TMEM178B: variants seen among roughly 807,000 people sequenced by gnomAD.
The protein encoded by TMEM178B is transmembrane protein 178B.
TMEM178B carries 5 observed loss-of-function variants against 31.0 expected under a neutral mutation model. That is an observed-to-expected ratio of 0.16 (90% CI 0.08 to 0.34). The LOEUF (loss-of-function observed/expected upper bound fraction) is 0.34. TMEM178B is among the 10% of genes least tolerant of loss of function. The pLI is 1.00. For synonymous variants in TMEM178B, 164 were observed against 164.0 expected, an observed-to-expected ratio of 1.00 and a Z score of 0.00; for missense variants, 275 against 400.3, an observed-to-expected ratio of 0.69 and a Z score of 2.67.
At chr7:141,293,863 A>G (rs1401919357) in intron 2 of TMEM178B, among the ~76,000 whole-genome samples, 1 of 152,238 alleles carries the variant, frequency 6.6e-6, no homozygotes, top group African/African-American at 2.4e-5. Context: ...CTATAATAAT[A>G]GAAGGCATCT....
chr7:141,091,797 G>A (rs542932697), intron 1 of TMEM178B, among the ~76,000 whole-genome samples: 2 of 152,222 alleles, frequency 1.3e-5, no homozygotes, highest in East Asian at 3.9e-4. Context: ...GCGTGATCTC[G>A]GCTCACTGAA....
chr7:141,510,460 C>T, the TMEM178B span, among the ~76,000 whole-genome samples: 13 of 151,566 alleles, frequency 8.6e-5, no homozygotes, highest in Admixed American at 2.0e-4. Context: ...GCGAGGCAGG[C>T]GGATTATCTG....
chr7:141,193,120 T>C (rs1796724204), intron 1 of TMEM178B, among the ~76,000 whole-genome samples: 1 of 152,178 alleles, frequency 6.6e-6, no homozygotes, highest in South Asian at 2.1e-4. Flanking sequence ...GCTTCTCCTA[T>C]GAGGCGGTGG....
At chr7:141,183,419 A>G (rs1796561333) in intron 1 of TMEM178B, among the ~76,000 whole-genome samples, 1 of 152,228 alleles carries the variant, frequency 6.6e-6, no homozygotes, top group South Asian at 2.1e-4. Context: ...TCATTCTGCA[A>G]ACAGCTGGGT....
intron 2 of TMEM178B, among the ~76,000 whole-genome samples, chr7:141,261,720 C>T (rs1270961089): frequency 6.6e-6 from 1 of 151,992 alleles, no homozygotes; most frequent in African/African-American, 2.4e-5. Flanking sequence ...AGCACAAGGG[C>T]CAGGGAAAGA....
intron 1 of TMEM178B, among the ~76,000 whole-genome samples, chr7:141,076,809 G>C (rs1281126342): frequency 6.6e-6 from 1 of 152,184 alleles, no homozygotes; most frequent in Non-Finnish European, 1.5e-5. Flanking sequence ...TGAACTAATG[G>C]AAATGGTGTT....
intron 1 of TMEM178B, among the ~76,000 whole-genome samples, chr7:141,210,252 G>T (rs1033839734): frequency 6.6e-6 from 1 of 152,110 alleles, no homozygotes; most frequent in Non-Finnish European, 1.5e-5. Flanking sequence ...ATCACCTGAG[G>T]TCGGGAGTTC....
intron 1 of TMEM178B, among the ~76,000 whole-genome samples, chr7:141,125,488 C>G (rs552234419): frequency 2.0e-5 from 3 of 151,978 alleles, no homozygotes; most frequent in South Asian, 2.1e-4. Context: ...TGAGACCAGC[C>G]TGGACAACAT....
At position 141,324,416 on chromosome 7, in the gene TMEM178B, G is replaced by GTTTT. The variant is rs56316531; in HGVS notation, c.496+111746_496+111749dup. 1.0e-3 allele frequency among the ~76,000 whole-genome samples: 87 copies of GTTTT among 85,772 alleles called. 21 individuals are homozygous for GTTTT. The highest frequency in any genetic ancestry group is 1.1e-3 in the Non-Finnish European group (48 of 41,990). 56.3% of individuals were successfully genotyped at this position (85,772 alleles called of 152,430 possible). ...TGTGAGAGCAAGAGAGGAGACCAGG[G>GTTTT]TTTTTTTTTTTTTTTTTTTTTTTTT... On this transcript the variant is annotated intron_variant, in intron 2 of 3. Transcript: ENST00000565468.
At chr7:141,209,568 A>G (rs1032282840) in intron 1 of TMEM178B, among the ~76,000 whole-genome samples, 3 of 152,192 alleles carry the variant, frequency 2.0e-5, no homozygotes, top group African/African-American at 7.2e-5. Flanking sequence ...AGGGGCTGGG[A>G]AGATAAAGAT....
intron 1 of TMEM178B, among the ~76,000 whole-genome samples, chr7:141,161,756 G>T (rs1000935619): frequency 3.9e-5 from 6 of 151,956 alleles, no homozygotes; most frequent in Non-Finnish European, 7.4e-5. Flanking sequence ...ATAGGTGAGA[G>T]AGTGGGTGGT....
At chr7:141,429,713 A>C (rs983372545) in intron 2 of TMEM178B, 1 of 152,240 alleles carries the variant, frequency 6.6e-6, no homozygotes, top group African/African-American at 2.4e-5. Flanking sequence ...CTCCCACAAA[A>C]GTGATAACTG....
intron 2 of TMEM178B, among the ~76,000 whole-genome samples, chr7:141,246,285 A>G (rs1367996785): frequency 6.6e-6 from 1 of 152,232 alleles, no homozygotes; most frequent in Non-Finnish European, 1.5e-5. Context: ...TTCTTGAGTA[A>G]AATGAAATTG....
At chr7:141,226,324 C>T (rs1797341263) in intron 2 of TMEM178B, among the ~76,000 whole-genome samples, 2 of 152,074 alleles carry the variant, frequency 1.3e-5, no homozygotes, top group African/African-American at 4.8e-5. Flanking sequence ...AGCTCCAGGC[C>T]GACTACCCTT....
chr7:141,180,463 C>CAAAAAAAAA (rs57969132), intron 1 of TMEM178B, among the ~76,000 whole-genome samples: 9 of 83,274 alleles, frequency 1.1e-4, no homozygotes, highest in Non-Finnish European at 1.6e-4. Context: ...GAGCCCATCT[C>CAAAAAAAAA]AAAAAAAAAA....
At chr7:141,246,821 C>T (rs138079773) in intron 2 of TMEM178B, among the ~76,000 whole-genome samples, 6 of 152,204 alleles carry the variant, frequency 3.9e-5, no homozygotes, top group Non-Finnish European at 8.8e-5. Context: ...GCTGTGCACA[C>T]CTTAGGGGCT....
At chr7:141,450,616 G>C (rs1438978597) in intron 3 of TMEM178B, among the ~76,000 whole-genome samples, 1 of 152,142 alleles carries the variant, frequency 6.6e-6, no homozygotes, top group African/African-American at 2.4e-5. Context: ...TTTATGTTTT[G>C]GGTAACACCT....
intron 1 of TMEM178B, among the ~76,000 whole-genome samples, chr7:141,209,495 AG>A (rs1227213579): frequency 1.3e-5 from 2 of 152,254 alleles, no homozygotes; most frequent in East Asian, 3.8e-4. Flanking sequence ...AGTCTTACAA[AG>A]AACACCTCGT....
chr7:141,181,724 C>A (rs1187525204), intron 1 of TMEM178B, among the ~76,000 whole-genome samples: 5 of 152,188 alleles, frequency 3.3e-5, no homozygotes, highest in Non-Finnish European at 7.3e-5. Context: ...CACATATACT[C>A]CTCTTTTATC....
Sources: gnomAD v4.1 joint callset for allele counts (sites outside exome capture counted in the v4.1 genomes callset) on GRCh38, gnomAD v4.1.1 for gene constraint, MANE v1.5 for transcripts, NCBI Gene and HGNC (gene_info 2026-07-23, HGNC 2026-07-21) for gene names.